GAGE10: variants seen among roughly 807,000 people sequenced by gnomAD.
GAGE10 encodes the protein G antigen 10.
A neutral mutation model predicts 11.5 loss-of-function variants in GAGE10; 9 were observed. That is an observed-to-expected ratio of 0.78 (90% CI 0.47 to 1.37). GAGE10 has a LOEUF of 1.37. GAGE10 is among the 40% of genes most tolerant of loss of function. The probability of loss-of-function intolerance (pLI) is 0.00; values close to 1 mark genes in which losing one functional copy is unlikely to be tolerated. For synonymous variants in GAGE10, 23 were observed against 29.7 expected (o/e 0.77, Z 0.73); for missense variants, 83 against 92.9 (o/e 0.89, Z 0.44).
At chrX:49,316,176 C>T in intron 3 of GAGE10, among the ~76,000 whole-genome samples, 1 of 112,052 alleles carries the variant, frequency 8.9e-6, no homozygotes, top group East Asian at 2.8e-4. Context: ...GCCTGTTTTT[C>T]CTTCTGTGGC....
At chrX:49,308,193 G>T (rs1186221219) in intron 3 of GAGE10, among the ~76,000 whole-genome samples, 1 of 112,418 alleles carries the variant, frequency 8.9e-6, no homozygotes, top group Non-Finnish European at 1.9e-5. Context: ...AATCTGACTA[G>T]GTCGGTGCAT....
At chrX:49,318,585 T>C (rs2066402838) in intron 4 of GAGE10, among the ~76,000 whole-genome samples, 2 of 71,228 alleles carry the variant, frequency 2.8e-5, no homozygotes, top group Non-Finnish European at 5.4e-5. Flanking sequence ...TTTATTATAC[T>C]TTAAGTTTTA....
At position 49,317,085 on chromosome X, in the gene GAGE10, C is replaced by T. The variant is rs1441728465; in HGVS notation, c.203-78C>T. 4 of 1,053,264 alleles carry T rather than the reference C, an allele frequency of 3.8e-6. No homozygotes were observed. The East Asian group carries it at 1.3e-4, about 34-fold the overall frequency. The allele number at this position is 1,053,264 out of a possible 1,213,427, so 86.8% of individuals were successfully genotyped here. ...TAGCTAAAGCTTTTATATAATAACA[C>T]CGAGAGCATGAATATTATTTTCTTA... On this transcript the variant is annotated intron_variant, in intron 3 of 4. Transcript: ENST00000407599.
intron 3 of GAGE10, among the ~76,000 whole-genome samples, chrX:49,313,422 C>T (rs782042915): frequency 1.8e-5 from 2 of 111,951 alleles, no homozygotes; most frequent in South Asian, 3.7e-4. Flanking sequence ...AAATATTGTT[C>T]GGAAGGCCAC....
At position 49,317,186 on chromosome X, in the gene GAGE10, C is replaced by A. The variant is rs781892670; in HGVS notation, c.226C>A (p.Gln76Lys). The change falls in exon 4 of 5, where the codon CAG becomes AAG. Residue 76 changes from glutamine (Q) to lysine (K), a missense_variant. Around this residue, in one of 3 missense-constraint regions of GAGE10, gnomAD observed 66 missense variants for 35.4 expected, o/e 1.87. Transcript: ENST00000407599. The stretch of plus-strand genomic sequence containing the variant: ...ATGGCCGAAGCCTGAAGCTGATAGC[C>A]AGGAACAGGTTCACCCAAAGACTGG... ...GQGPKPEADS[Q>K]EQVHPKTGCE... The A allele has an allele frequency of 1.7e-6, 2 of 1,205,669 alleles. No homozygotes were observed. Among genetic ancestry groups the A allele is most frequent in the Non-Finnish European group, 2.2e-6 (2 of 891,822 alleles).
chrX:49,317,450 T>C (rs1602731382), intron 4 of GAGE10, among the ~76,000 whole-genome samples, 162 bp downstream of exon 4: 1 of 111,851 alleles, frequency 8.9e-6, no homozygotes, highest in African/African-American at 3.2e-5. Context: ...TGGGTTCAAG[T>C]GATTCTCCTG....
chrX:49,314,069 T>A (rs1557124970), intron 3 of GAGE10, among the ~76,000 whole-genome samples: 1 of 112,394 alleles, frequency 8.9e-6, no homozygotes, highest in African/African-American at 3.2e-5. Context: ...ATGCTGCAAA[T>A]GTCTATGCTC....
chrX:49,311,116 AG>A (rs1474404854), intron 3 of GAGE10, among the ~76,000 whole-genome samples: 3 of 111,683 alleles, frequency 2.7e-5, no homozygotes, highest in African/African-American at 9.8e-5. Flanking sequence ...CCAGGTGTAT[AG>A]GCTGAGGACA....
chrX:49,308,775 C>G (rs1557124424), intron 3 of GAGE10, among the ~76,000 whole-genome samples: 1 of 111,241 alleles, frequency 9.0e-6, no homozygotes, highest in African/African-American at 3.3e-5. Flanking sequence ...GTGTGTGGAC[C>G]TACCCAGGAC....
chrX:49,312,387 C>T (rs1557124812), intron 3 of GAGE10, among the ~76,000 whole-genome samples: 2 of 112,830 alleles, frequency 1.8e-5, no homozygotes, highest in African/African-American at 6.4e-5. Context: ...CCTGCATGCC[C>T]ATGGGGCAAT....
rs782494362 is a variant in GAGE10 at position 49,317,148 on chromosome X, T to C, written c.203-15T>C. ...GTTTTACTGCTTAAATTGATATGTA[T>C]TTTTTATTTTTAATGGCCGAAGCCT... On this transcript the variant is annotated splice_polypyrimidine_tract_variant and intron_variant, in intron 3 of 4. Coordinates refer to ENST00000407599, the MANE Select transcript of GAGE10 (RefSeq NM_001098413.4). 2 of 1,190,896 alleles carry C rather than the reference T, an allele frequency of 1.7e-6. No homozygotes were observed. The highest frequency in any genetic ancestry group is 1.8e-5 in the South Asian group (1 of 56,164).
At chrX:49,307,192 C>A (rs185802947) in intron 3 of GAGE10, among the ~76,000 whole-genome samples, 2 of 111,732 alleles carry the variant, frequency 1.8e-5, no homozygotes, top group East Asian at 5.6e-4. Flanking sequence ...GGTTTCATAT[C>A]ACTTCCCTCT....
chrX:49,307,476 T>C (rs1183662324), intron 3 of GAGE10, among the ~76,000 whole-genome samples: 12 of 45,618 alleles, frequency 2.6e-4, no homozygotes, highest in Non-Finnish European at 6.4e-4. Context: ...TCTTTTTTCC[T>C]TTTTTTTTTT....
intron 3 of GAGE10, among the ~76,000 whole-genome samples, chrX:49,315,360 T>C (rs368101670): frequency 2.3e-4 from 26 of 112,012 alleles, no homozygotes; most frequent in Middle Eastern, 9.2e-3. Context: ...GATGTAGACA[T>C]AGGAGACTGG....
In GAGE10 at chrX:49,317,192, C is replaced by A. The variant is rs782206696; in HGVS notation, c.232C>A (p.Gln78Lys). Residue 78 changes from glutamine (Q) to lysine (K), a missense_variant, in exon 4 of 5, where the codon CAG becomes AAG. Around this residue, in one of 3 missense-constraint regions of GAGE10, gnomAD observed 66 missense variants for 35.4 expected, o/e 1.87. Transcript: ENST00000407599. ...GAAGCCTGAAGCTGATAGCCAGGAA[C>A]AGGTTCACCCAAAGACTGGGTGTGA... ...GPKPEADSQEQVHPKTGCECG... is the reference protein window; with the variant it reads ...GPKPEADSQEKVHPKTGCECG... 2.5e-6 allele frequency: 3 copies of A among 1,206,067 alleles called. No individual in the cohort carries two copies. The highest frequency in any genetic ancestry group is 2.2e-6 in the Non-Finnish European group (2 of 891,916).
intron 4 of GAGE10, among the ~76,000 whole-genome samples, chrX:49,317,646 C>T (rs2066399060): frequency 1.3e-5 from 1 of 77,675 alleles, no homozygotes; most frequent in Non-Finnish European, 3.2e-5. Context: ...CCATACGCGA[C>T]CAAGGCATTA....
chrX:49,317,922 C>A (rs1602731756), intron 4 of GAGE10, among the ~76,000 whole-genome samples: 1 of 77,009 alleles, frequency 1.3e-5, no homozygotes, highest in African/African-American at 4.9e-5. Flanking sequence ...GTGAAAAATG[C>A]TGAAGCACTC....
chrX:49,314,878 A>T (rs1373446546), intron 3 of GAGE10, among the ~76,000 whole-genome samples: 3 of 112,496 alleles, frequency 2.7e-5, no homozygotes, highest in African/African-American at 9.7e-5. Context: ...CCTGCCAGTG[A>T]ACCAACAGCC....
At chrX:49,305,943 A>G (rs1302377176) in intron 3 of GAGE10, among the ~76,000 whole-genome samples, 1 of 111,750 alleles carries the variant, frequency 8.9e-6, no homozygotes, top group East Asian at 2.8e-4. Context: ...TACTGACCCA[A>G]GAATAGACCC....
Sources: allele counts gnomAD v4.1 joint callset (sites outside exome capture counted in the v4.1 genomes callset), GRCh38; gene constraint gnomAD v4.1.1; regional missense constraint gnomAD v4.1.1; transcripts MANE v1.5; gene names NCBI Gene and HGNC (gene_info 2026-07-23, HGNC 2026-07-21).